Variants in TOX observed in about 807,000 individuals in gnomAD.
TOX encodes thymocyte selection-associated high mobility group box protein TOX.
Under a neutral mutation model 53.7 loss-of-function variants are expected in TOX, and 11 were observed. The ratio of observed to expected loss-of-function variants is 0.20; its 90% CI spans 0.13 to 0.34. The LOEUF is 0.34. Ranked by LOEUF, TOX falls within the 10% of genes least tolerant of loss-of-function variation. The pLI, the probability that TOX is intolerant of heterozygous loss-of-function variation, is 1.00. For missense variants in TOX, 570 were observed against 664.6 expected (o/e 0.86, Z 1.56); for synonymous variants, 225 against 245.3 (o/e 0.92, Z 0.77).
intron 3 of TOX, among the ~76,000 whole-genome samples, chr8:58,903,564 G>T (rs1010136592): frequency 6.6e-6 from 1 of 152,218 alleles, no homozygotes; most frequent in Non-Finnish European, 1.5e-5. Flanking sequence ...GACTCAGTTG[G>T]GTGTTCCATC....
intron 1 of TOX, among the ~76,000 whole-genome samples, chr8:59,096,201 A>T (rs554521838): frequency 1.3e-5 from 2 of 152,220 alleles, no homozygotes; most frequent in African/African-American, 2.4e-5. Context: ...AAACAGACTA[A>T]CATTGCTTCA....
At chr8:58,823,212 A>G (rs1585844563) in intron 6 of TOX, among the ~76,000 whole-genome samples, 1 of 152,136 alleles carries the variant, frequency 6.6e-6, no homozygotes, top group East Asian at 1.9e-4. Context: ...GATGGTATAT[A>G]GCACTTTTTT....
intron 7 of TOX, among the ~76,000 whole-genome samples, chr8:58,810,017 G>A (rs913667254): frequency 6.6e-6 from 1 of 152,160 alleles, no homozygotes; most frequent in Non-Finnish European, 1.5e-5. Context: ...ACCGGGTCTT[G>A]CTCTGTCACC....
At chr8:59,021,606 C>T (rs1358969107) in intron 1 of TOX, among the ~76,000 whole-genome samples, 2 of 150,160 alleles carry the variant, frequency 1.3e-5, no homozygotes, top group Admixed American at 6.7e-5. Context: ...AAAGTCTCTA[C>T]AGGACCTACA....
intron 1 of TOX, among the ~76,000 whole-genome samples, chr8:59,047,379 G>C (rs1803709656): frequency 6.6e-6 from 1 of 151,206 alleles, no homozygotes; most frequent in African/African-American, 2.4e-5. Context: ...ACCACGCCCA[G>C]CTAATTTTTT....
chr8:58,911,372 C>A (rs1263963463), intron 3 of TOX, among the ~76,000 whole-genome samples: 1 of 152,136 alleles, frequency 6.6e-6, no homozygotes, highest in African/African-American at 2.4e-5. Context: ...TTGGAAATAT[C>A]TAGTTTTACC....
At chr8:59,034,789 C>T (rs1409182918) in intron 1 of TOX, among the ~76,000 whole-genome samples, 1 of 152,224 alleles carries the variant, frequency 6.6e-6, no homozygotes, top group African/African-American at 2.4e-5. Flanking sequence ...CAAATACCTA[C>T]ACGGCTCTCA....
intron 3 of TOX, among the ~76,000 whole-genome samples, chr8:58,881,622 G>A (rs550152231): frequency 3.3e-5 from 5 of 151,410 alleles, no homozygotes; most frequent in African/African-American, 1.2e-4. Flanking sequence ...TACTCAGGAG[G>A]CTGAGGCACG....
Position 59,117,425 on chromosome 8 carries a change from TG to T in TOX, c.102+1460del, listed in dbSNP as rs1309091241. ...GAAGCCCTTCTGCCTTGCTCAAGAC[TG>T]GATGTCCCTCTTTTCTAACTTGCCT... On this transcript the variant is annotated intron_variant, in intron 1 of 8. Coordinates refer to ENST00000361421, the MANE Select transcript of TOX (RefSeq NM_014729.3). This position sits in a 1 kb window ranked among gnomAD's most constrained non-coding sequence, Gnocchi z 4.6. 6.6e-6 allele frequency among the ~76,000 whole-genome samples: 1 copy of T among 152,216 alleles called. No individual in the cohort carries two copies. Among genetic ancestry groups the T allele is most frequent in the African/African-American group, 2.4e-5 (1 of 41,462 alleles).
At chr8:59,111,617 C>A (rs1312633537) in intron 1 of TOX, among the ~76,000 whole-genome samples, 2 of 152,084 alleles carry the variant, frequency 1.3e-5, no homozygotes. Context: ...CATACACACA[C>A]CAATGTTTCT....
At chr8:58,948,403 C>G (rs1005192194) in intron 2 of TOX, among the ~76,000 whole-genome samples, 7 of 152,132 alleles carry the variant, frequency 4.6e-5, no homozygotes, top group African/African-American at 1.4e-4. Context: ...TGGGGGTCTA[C>G]ATAAGTCTCC....
chr8:59,102,328 A>G (rs759664926), intron 1 of TOX, among the ~76,000 whole-genome samples: 1 of 152,072 alleles, frequency 6.6e-6, no homozygotes, highest in Non-Finnish European at 1.5e-5. Flanking sequence ...CCTGGGTTCA[A>G]GCAATTCTCA....
chr8:58,942,294 T>C (rs546670427), intron 2 of TOX, among the ~76,000 whole-genome samples: 1 of 152,320 alleles, frequency 6.6e-6, no homozygotes, highest in South Asian at 2.1e-4. Context: ...CATTCAGTGA[T>C]AACAATTGTA....
At chr8:58,951,640 CT>C (rs1342401607) in intron 2 of TOX, among the ~76,000 whole-genome samples, 1 of 152,160 alleles carries the variant, frequency 6.6e-6, no homozygotes, top group Non-Finnish European at 1.5e-5. Context: ...AAACAGTAGG[CT>C]TAGCTCTTCT....
At chr8:58,990,658 G>T in intron 1 of TOX, among the ~76,000 whole-genome samples, 1 of 152,126 alleles carries the variant, frequency 6.6e-6, no homozygotes, top group East Asian at 1.9e-4. Flanking sequence ...GGAGAGGGTT[G>T]GGATGAGGGA....
intron 1 of TOX, among the ~76,000 whole-genome samples, chr8:58,986,726 TA>T (rs1813335741): frequency 6.6e-6 from 1 of 152,170 alleles, no homozygotes; most frequent in Non-Finnish European, 1.5e-5. Context: ...GGCTCATCAA[TA>T]ATACATAAAT....
Position 58,939,232 on chromosome 8 carries a change from C to T in TOX, c.411+70G>A, listed in dbSNP as rs186701697. The T allele has an allele frequency of 1.3e-5, 20 of 1,567,264 alleles. No individual in the cohort carries two copies. In the African/African-American group the frequency reaches 1.4e-4, roughly 11 times the overall value. ...TGCTATTATCACAATGCCAGGCCCT[C>T]GCATGAACTTGGTCCTTGTCCTTAT... is the stretch of plus-strand genomic sequence containing the variant. On this transcript the variant is annotated intron_variant, in intron 3 of 8. Transcript: ENST00000361421.
intron 1 of TOX, among the ~76,000 whole-genome samples, chr8:59,012,798 C>A (rs310365): frequency 0.5 from 75,137 of 151,716 alleles, 21,197 homozygotes; most frequent in Non-Finnish European, 0.61. Flanking sequence ...CATCTTTCAA[C>A]TTTACCAAGA....
intron 7 of TOX, 55 bp downstream of exon 7, chr8:58,815,283 C>T: frequency 2.0e-6 from 3 of 1,522,400 alleles, no homozygotes; most frequent in Middle Eastern, 2.5e-4. Flanking sequence ...CCCACCTCCA[C>T]CACCACACTT....
Sources: allele counts gnomAD v4.1 joint callset (sites outside exome capture counted in the v4.1 genomes callset), GRCh38; gene constraint gnomAD v4.1.1; non-coding constraint Gnocchi (gnomAD v3.1); transcripts MANE v1.5; gene names NCBI Gene and HGNC (gene_info 2026-07-23, HGNC 2026-07-21).